MCF2L: variants seen among roughly 807,000 people sequenced by gnomAD.
The protein encoded by MCF2L is MCF.2 cell line derived transforming sequence like, also known as guanine nucleotide exchange factor DBS.
Under a neutral mutation model 153.4 loss-of-function variants are expected in MCF2L, and 97 were observed. That is an observed-to-expected ratio of 0.63 (90% CI 0.54 to 0.75). The LOEUF (loss-of-function observed/expected upper bound fraction) is 0.75, where lower values mean the gene tolerates loss of function less well. Among genes scored for constraint, MCF2L ranks in the 30% least tolerant of loss-of-function variants. The pLI, the probability that MCF2L is intolerant of heterozygous loss-of-function variation, is 0.00. For missense variants in MCF2L, 1,347 were observed against 1,495.2 expected (o/e 0.90, Z 1.64); for synonymous variants, 659 against 632.2 (o/e 1.04, Z -0.64).
chr13:113,075,484 C>T (rs1424044220), intron 11 of MCF2L, among the ~76,000 whole-genome samples: 2 of 151,936 alleles, frequency 1.3e-5, no homozygotes, highest in Admixed American at 6.5e-5. Context: ...TGCCACCGTA[C>T]CCAGCTAATT....
chr13:112,906,641 C>G (rs1433648725), intron 2 of MCF2L, among the ~76,000 whole-genome samples: 1 of 152,224 alleles, frequency 6.6e-6, no homozygotes, highest in Non-Finnish European at 1.5e-5. Context: ...CGTTCTGGCT[C>G]TGGTGGGCCA....
rs1304698201 is a variant in MCF2L, at chr13:113,070,163, G to T, written c.986G>T (p.Gly329Val). Residue 329 changes from glycine (G) to valine (V), a missense_variant, in exon 9 of 30, where the codon GGC becomes GTC. Physicochemically the swap from Gly to Val is moderately radical, Grantham distance 109 (BLOSUM62 -3). This residue lies in a region of MCF2L where 820 missense variants were observed against 921.2 expected (regional missense o/e 0.89). Coordinates refer to ENST00000535094, the MANE Select transcript of MCF2L (RefSeq NM_001112732.3). The surrounding 1 kb of genome is among the most constrained non-coding windows in gnomAD (Gnocchi z 5.6). ...QCLQLRHFEQ[G>V]FREVKAILDA... The stretch of plus-strand genomic sequence containing the variant: ...CTGCAGCTCCGGCACTTTGAGCAGG[G>T]CTTCCGGGAGGTGAGTGGCCCTGGG... The T allele has an allele frequency of 6.3e-7, 1 of 1,596,556 alleles. No individual in the cohort carries two copies. The highest frequency in any genetic ancestry group is 1.4e-5 in the African/African-American group (1 of 73,508).
At chr13:113,050,953 C>T (rs2087267781) in intron 4 of MCF2L, among the ~76,000 whole-genome samples, 1 of 151,996 alleles carries the variant, frequency 6.6e-6, no homozygotes, top group African/African-American at 2.4e-5. Flanking sequence ...TCCGTGTGCC[C>T]CTCTCGGAAG....
At chr13:112,909,496 T>A (rs1294318615) in intron 2 of MCF2L, 1 of 546,734 alleles carries the variant, frequency 1.8e-6, no homozygotes, top group African/African-American at 1.9e-5. Flanking sequence ...AGTCCTACAC[T>A]AGCGCAGAGG....
chr13:112,931,526 C>A (rs557089941), intron 2 of MCF2L, among the ~76,000 whole-genome samples: 4 of 152,228 alleles, frequency 2.6e-5, no homozygotes, highest in African/African-American at 9.6e-5. Context: ...AGTGCAGATA[C>A]AGGTGGCGAC....
chr13:112,994,212 AC>A (rs1566703288), intron 1 of MCF2L, among the ~76,000 whole-genome samples: 26 of 149,456 alleles, frequency 1.7e-4, no homozygotes, highest in African/African-American at 6.2e-4. Context: ...CCAACGGGGC[AC>A]GGTGCGTGGG....
At chr13:112,956,593 A>G (rs559798158) in intron 2 of MCF2L, 1 of 152,402 alleles carries the variant, frequency 6.6e-6, no homozygotes, top group Admixed American at 6.5e-5. Flanking sequence ...GCTGGAGGAC[A>G]GTGCACAGCT....
intron 1 of MCF2L, among the ~76,000 whole-genome samples, chr13:112,990,667 A>G (rs573268439): frequency 1.2e-3 from 178 of 152,334 alleles, no homozygotes; most frequent in African/African-American, 4.1e-3. Flanking sequence ...GTGTGGAGCT[A>G]AGAACAAATG....
Position 113,075,951 on chromosome 13 carries a change from G to A in MCF2L, c.1309-15G>A. On this transcript the variant is annotated splice_polypyrimidine_tract_variant and intron_variant, in intron 11 of 29. Transcript: ENST00000535094. ...CTCACGGCGTCCTGCCCTCGGCAAT[G>A]CTCTGTGTTTCCAGTCCATGAAGTG... 1 of 1,591,730 alleles carries A rather than the reference G, an allele frequency of 6.3e-7. No homozygotes were observed. The highest frequency in any genetic ancestry group is 8.6e-7 in the Non-Finnish European group (1 of 1,168,060).
intron 1 of MCF2L, among the ~76,000 whole-genome samples, chr13:112,895,971 G>A (rs2081064063): frequency 6.6e-6 from 1 of 152,214 alleles, no homozygotes; most frequent in African/African-American, 2.4e-5. Flanking sequence ...AAATGAGGGG[G>A]GCCCCTCCCC....
rs1281241539 is a variant in MCF2L at position 112,969,440 on chromosome 13, G to T, written c.61G>T (p.Ala21Ser). 1 of 1,550,314 alleles carries T rather than the reference G, an allele frequency of 6.5e-7. No individual in the cohort carries two copies. ...ALEEMVQRLN[A>S]VSKHTDEIMH... ...GGAAGAAATGGTGCAGAGATTAAAT[G>T]CGGTTTCCAAGCACACGGGTAGGAG... Residue 21 changes from alanine to serine, a missense_variant, in exon 1 of 30, where the codon GCG becomes TCG. Physicochemically the swap from Ala to Ser is moderately conservative, Grantham distance 99 (BLOSUM62 1). Coordinates refer to ENST00000535094, the MANE Select transcript of MCF2L (RefSeq NM_001112732.3). This position sits in a 1 kb window ranked among gnomAD's most constrained non-coding sequence, Gnocchi z 4.8.
At chr13:113,055,913 G>T (rs2087732131) in intron 4 of MCF2L, among the ~76,000 whole-genome samples, 1 of 152,246 alleles carries the variant, frequency 6.6e-6, no homozygotes, top group Non-Finnish European at 1.5e-5. Context: ...AGGCTGGAGA[G>T]AATGGGTGTG....
upstream of MCF2L, among the ~76,000 whole-genome samples, chr13:112,964,494 A>G (rs914005661): frequency 5.9e-5 from 9 of 152,236 alleles, no homozygotes; most frequent in African/African-American, 2.2e-4. Flanking sequence ...AACACGGCAC[A>G]TATAAAAATC....
At chr13:112,939,969 A>C (rs2081558672) in intron 2 of MCF2L, among the ~76,000 whole-genome samples, 1 of 93,616 alleles carries the variant, frequency 1.1e-5, no homozygotes, top group African/African-American at 4.0e-5. Context: ...ACTCCATCTC[A>C]AAAAAAAAAA....
chr13:113,077,789 C>T (rs1040112501), intron 13 of MCF2L, among the ~76,000 whole-genome samples: 1 of 152,230 alleles, frequency 6.6e-6, no homozygotes, highest in African/African-American at 2.4e-5. Flanking sequence ...CAAAACGAAC[C>T]CTCTTCCCAT....
chr13:113,052,299 G>A (rs1016402417), intron 4 of MCF2L, among the ~76,000 whole-genome samples: 3 of 152,136 alleles, frequency 2.0e-5, no homozygotes, highest in South Asian at 4.2e-4. Flanking sequence ...GAAGAGGAAG[G>A]AGCCCGGGGG....
rs1566773608 is a variant in MCF2L at position 113,033,399 on chromosome 13, G to GACATT, written c.278+8642_278+8643insCATTA. Among the ~76,000 whole-genome samples the GACATT allele has an allele frequency of 6.4e-4, 19 of 29,716 alleles. 1 individual carries two copies. The highest frequency in any genetic ancestry group is 1.2e-3 in the Non-Finnish European group (16 of 13,786). The allele number at this position is 29,716 out of a possible 152,430, so 19.5% of individuals were successfully genotyped here. A position where few individuals can be genotyped will look rare whatever the true frequency, so the allele number is the denominator to read the frequency against. On this transcript the variant is annotated intron_variant, in intron 3 of 29. Coordinates refer to ENST00000535094, the MANE Select transcript of MCF2L (RefSeq NM_001112732.3). Reference sequence around the variant, plus strand: ...GTGACGTGAGTGGCCCCCGTGATGTGAGTGGACCCCGTGGCGTGAGTGGCC... The same window carrying GACATT: ...GTGACGTGAGTGGCCCCCGTGATGTGACATTAGTGGACCCCGTGGCGTGAGTGGCC...
At chr13:113,059,464 T>A (rs2030997488) in intron 4 of MCF2L, among the ~76,000 whole-genome samples, 2 of 152,232 alleles carry the variant, frequency 1.3e-5, no homozygotes, top group Admixed American at 1.3e-4. Context: ...CTTTTCTATA[T>A]GTCATATTTT....
intron 26 of MCF2L, chr13:113,093,980 C>T (rs1258350261): frequency 6.6e-6 from 1 of 152,376 alleles, no homozygotes; most frequent in African/African-American, 2.4e-5. Flanking sequence ...TGCATGGTCT[C>T]AGCCTTCCGG....
Sources: allele counts gnomAD v4.1 joint callset (sites outside exome capture counted in the v4.1 genomes callset), GRCh38; gene constraint gnomAD v4.1.1; regional missense constraint gnomAD v4.1.1; non-coding constraint Gnocchi (gnomAD v3.1); transcripts MANE v1.5; gene names NCBI Gene and HGNC (gene_info 2026-07-23, HGNC 2026-07-21).